Variants in FLYWCH1 observed in about 807,000 individuals in gnomAD.
FLYWCH1 encodes the protein FLYWCH-type zinc finger 1, also known as FLYWCH-type zinc finger-containing protein 1.
FLYWCH1 carries 75 observed loss-of-function variants against 66.4 expected under a neutral mutation model. That is an observed-to-expected ratio of 1.13 (90% confidence interval 0.94 to 1.37). FLYWCH1 has a LOEUF of 1.37. Ranked by LOEUF, FLYWCH1 falls within the 40% of genes most tolerant of loss-of-function variation. The pLI is 0.00. For synonymous variants in FLYWCH1, 595 were observed against 429.9 expected, an observed-to-expected ratio of 1.38 and a Z score of -4.75; for missense variants, 1,334 against 1,001.8, an observed-to-expected ratio of 1.33 and a Z score of -4.48.
At chr16:2,931,830 G>A (rs1267738217) in intron 4 of FLYWCH1, among the ~76,000 whole-genome samples, 1 of 151,738 alleles carries the variant, frequency 6.6e-6, no homozygotes, top group South Asian at 2.1e-4. Flanking sequence ...CTAGCCTGGC[G>A]AGGCTGGGCG....
At chr16:2,945,270 G>C (rs1045278765) in intron 9 of FLYWCH1, among the ~76,000 whole-genome samples, 2 of 151,932 alleles carry the variant, frequency 1.3e-5, no homozygotes, top group Non-Finnish European at 2.9e-5. Context: ...GGCGGATCAC[G>C]AGGTCAGGAG....
rs191066359 is a variant in FLYWCH1 at position 2,936,021 on chromosome 16, T to A, written c.1514-1100T>A. 5 of 183,658 alleles carry A rather than the reference T, an allele frequency of 2.7e-5. No individual in the cohort carries two copies. The East Asian group carries it at 8.2e-4, about 30-fold the overall frequency. The allele number at this position is 183,658 out of a possible 1,614,324, so 11.4% of individuals were successfully genotyped here. A position where few individuals can be genotyped will look rare whatever the true frequency, so the allele number is the denominator to read the frequency against. On this transcript the variant is annotated intron_variant, in intron 6 of 9. Transcript: ENST00000253928. The stretch of plus-strand genomic sequence containing the variant: ...GTCTCCCAGGTTCAAGTGATTTTCC[T>A]GTCTCAGCCTTCTGAGTAGCTGGGA...
At chr16:2,938,845 C>A (rs2150992270) in intron 8 of FLYWCH1, among the ~76,000 whole-genome samples, 1 of 151,732 alleles carries the variant, frequency 6.6e-6, no homozygotes, top group South Asian at 2.1e-4. Flanking sequence ...ATCTTCTGAC[C>A]TCGTGATCCG....
In FLYWCH1 at chr16:2,933,167, CG is replaced by C. The variant is rs762864130; in HGVS notation, c.839del (p.Gly280AlafsTer44). 4 of 1,613,512 alleles carry C rather than the reference CG, an allele frequency of 2.5e-6. No homozygotes were observed. Among genetic ancestry groups the C allele is most frequent in the Non-Finnish European group, 3.4e-6 (4 of 1,179,804 alleles). On this transcript the variant is annotated frameshift_variant, in exon 5 of 10. Coordinates refer to ENST00000253928, the MANE Select transcript of FLYWCH1 (RefSeq NM_001308068.2). LOFTEE classifies it high-confidence loss of function. ...RPLEFLRTCYGGSFLVHESFL... is the reference protein window; with the variant it reads ...RPLEFLRTCYXGSFLVHESFL... ...CCCTCGAGTTCCTGAGGACGTGCTA[CG>C]GGGGCAGCTTCCTGGTACACGAGTC...
Position 2,938,256 on chromosome 16 carries a change from A to T in FLYWCH1, c.1850A>T (p.Tyr617Phe). The T allele has an allele frequency of 6.2e-7, 1 of 1,613,168 alleles. No homozygotes were observed. Among genetic ancestry groups the T allele is most frequent in the Non-Finnish European group, 8.5e-7 (1 of 1,179,598 alleles). The change falls in exon 8 of 10, where the codon TAC becomes TTC. Residue 617 changes from tyrosine to phenylalanine, a missense_variant. By Grantham distance (22) the Tyr-to-Phe change is conservative. Transcript: ENST00000253928. ...TTCCTGGTGCACGAGTCCTTCCTCT[A>T]CAGGAAGGAGAAGGCGGCTGGGGAG... is the stretch of plus-strand genomic sequence containing the variant. ...GRFLVHESFL[Y>F]RKEKAAGEKV... is the part of the protein sequence containing the mutation.
rs531008048 is a variant in FLYWCH1 at position 2,918,827 on chromosome 16, A to G, written c.-74+4538A>G. ...CAGAATAGAAAGGAAATAGTAGGAA[A>G]GACCAGTGGATTGAGGGCTAGAACG... On this transcript the variant is annotated intron_variant, in intron 2 of 9. Coordinates refer to ENST00000253928, the MANE Select transcript of FLYWCH1 (RefSeq NM_001308068.2). Among the ~76,000 whole-genome samples, 4 of 152,352 alleles carry G rather than the reference A, an allele frequency of 2.6e-5. No individual in the cohort carries two copies. The South Asian group carries it at 8.3e-4, about 32-fold the overall frequency.
At position 2,929,747 on chromosome 16, in the gene FLYWCH1, C is replaced by T. The variant is rs2150945406; in HGVS notation, c.62C>T (p.Ser21Phe). Residue 21 changes from serine (S) to phenylalanine (F), a missense_variant, in exon 3 of 10, where the codon TCC (serine) becomes TTC (phenylalanine). Transcript: ENST00000253928. ...AGTGTGAAGGCCGGCCAGGAGCCAT[C>T]CCCCAAGCCAGGCACGGACGTCATC... ...GESVKAGQEP[S>F]PKPGTDVIPA... is the part of the protein sequence containing the mutation. The T allele has an allele frequency of 6.2e-7, 1 of 1,613,788 alleles. No homozygotes were observed.
chr16:2,930,080 C>A, intron 3 of FLYWCH1, 70 bp downstream of exon 3: 1 of 1,342,582 alleles, frequency 7.4e-7, no homozygotes, highest in South Asian at 1.3e-5. Flanking sequence ...GCCCTGTACA[C>A]CCTGCTTCAA....
chr16:2,923,226 C>G (rs1041852513), intron 2 of FLYWCH1: 17 of 324,964 alleles, frequency 5.2e-5, no homozygotes, highest in African/African-American at 3.6e-4. Flanking sequence ...GCTTTCAGCG[C>G]CATCTTGTGA....
Position 2,938,472 on chromosome 16 carries a change from G to T in FLYWCH1, c.2050+16G>T. 2.6e-6 allele frequency: 4 copies of T among 1,511,012 alleles called. No individual in the cohort carries two copies. The highest frequency in any genetic ancestry group is 3.5e-6 in the Non-Finnish European group (4 of 1,132,480). The allele number at this position is 1,511,012 out of a possible 1,614,324, so 93.6% of individuals were successfully genotyped here. A position where few individuals can be genotyped will look rare whatever the true frequency, so the allele number is the denominator to read the frequency against. ...GAGGACCCAGGTACAGGCAGGCTGT[G>T]GGGCAGAGGCAGGGCTGTGGGCATC... On this transcript the variant is annotated intron_variant, in intron 8 of 9. Coordinates refer to ENST00000253928, the MANE Select transcript of FLYWCH1 (RefSeq NM_001308068.2).
At chr16:2,936,443 C>T (rs1596384374) in intron 6 of FLYWCH1, 1 of 451,348 alleles carries the variant, frequency 2.2e-6, no homozygotes, top group African/African-American at 2.0e-5. Flanking sequence ...CACAGCCAGA[C>T]ACCCTCCCGC....
intron 2 of FLYWCH1, among the ~76,000 whole-genome samples, chr16:2,928,379 G>C (rs1277597794): frequency 2.0e-5 from 3 of 152,156 alleles, no homozygotes; most frequent in African/African-American, 7.2e-5. Flanking sequence ...TGTCTCAGTG[G>C]GGGGAAACCT....
At chr16:2,922,864 CATGGCAG>C (rs1279436335) in intron 2 of FLYWCH1, 2 of 524,484 alleles carry the variant, frequency 3.8e-6, no homozygotes, top group Non-Finnish European at 7.6e-6. Flanking sequence ...CTGTCTTCTT[CATGGCAG>C]ACTCAGTGGT....
In FLYWCH1 at chr16:2,946,371, G is replaced by C. The variant is rs985941277; in HGVS notation, c.2112-2317G>C. Among the ~76,000 whole-genome samples, 4 of 144,636 alleles carry C rather than the reference G, an allele frequency of 2.8e-5. No homozygotes were observed. In the East Asian group the frequency reaches 6.1e-4, roughly 22 times the overall value. 94.9% of individuals were successfully genotyped at this position (144,636 alleles called of 152,430 possible). A position where few individuals can be genotyped will look rare whatever the true frequency, so the allele number is the denominator to read the frequency against. Reference sequence around the variant, plus strand: ...GAGTCTCGTTCTGTCCCCCAGGCTGGACTGCAGTGGTGAGATCTCGGCTCA... The same window carrying C: ...GAGTCTCGTTCTGTCCCCCAGGCTGCACTGCAGTGGTGAGATCTCGGCTCA... On this transcript the variant is annotated intron_variant, in intron 9 of 9. Coordinates refer to ENST00000253928, the MANE Select transcript of FLYWCH1 (RefSeq NM_001308068.2).
chr16:2,941,197 A>C, intron 9 of FLYWCH1, among the ~76,000 whole-genome samples: 1 of 152,232 alleles, frequency 6.6e-6, no homozygotes, highest in East Asian at 1.9e-4. Context: ...TCACGCCTGT[A>C]ATCTCAACAC....
At position 2,929,495 on chromosome 16, in the gene FLYWCH1, C is replaced by T. The variant is rs1307368187; in HGVS notation, c.-73-118C>T. 27 of 705,622 alleles carry T rather than the reference C, an allele frequency of 3.8e-5. 1 individual carries two copies. Among genetic ancestry groups the T allele is most frequent in the South Asian group, 2.2e-4 (11 of 50,542 alleles). 43.7% of individuals were successfully genotyped at this position (705,622 alleles called of 1,614,324 possible). A position where few individuals can be genotyped will look rare whatever the true frequency, so the allele number is the denominator to read the frequency against. On this transcript the variant is annotated intron_variant, in intron 2 of 9. Transcript: ENST00000253928. ...AAGCCTAGTTCCATCAGGCCCCCGG[C>T]CAGTCTTGGCCCCAGCGAGCAGTGA...
rs572344134 is a variant in FLYWCH1, at chr16:2,931,552, G to A, written c.796+672G>A. Among the ~76,000 whole-genome samples, 59 of 151,952 alleles carry A rather than the reference G, an allele frequency of 3.9e-4. No homozygotes were observed. In the South Asian group the frequency reaches 0.011, roughly 27 times the overall value. ...GATCACTTAAGCTAGGGAGATTGAG[G>A]CTGCAGTGAGCCGGGATCACGCCAC... On this transcript the variant is annotated intron_variant, in intron 4 of 9. Coordinates refer to ENST00000253928, the MANE Select transcript of FLYWCH1 (RefSeq NM_001308068.2).
Position 2,949,034 on chromosome 16 carries a change from G to A in FLYWCH1, c.*307G>A, listed in dbSNP as rs901003926. 2.0e-4 allele frequency: 84 copies of A among 423,300 alleles called. No individual in the cohort carries two copies. Among genetic ancestry groups the A allele is most frequent in the African/African-American group, 3.2e-4 (16 of 49,418 alleles). 26.2% of individuals were successfully genotyped at this position (423,300 alleles called of 1,614,324 possible). On this transcript the variant is annotated 3_prime_UTR_variant, in exon 10 of 10. Coordinates refer to ENST00000253928, the MANE Select transcript of FLYWCH1 (RefSeq NM_001308068.2). ...CTGGACACGGACGCCCCTGCTGTACGGCCACAGCACCCCTGGGTTTGCAGA... is the reference window on the plus strand; with the variant it reads ...CTGGACACGGACGCCCCTGCTGTACAGCCACAGCACCCCTGGGTTTGCAGA...
At chr16:2,926,644 G>A (rs563677151) in intron 2 of FLYWCH1, among the ~76,000 whole-genome samples, 1 of 152,212 alleles carries the variant, frequency 6.6e-6, no homozygotes, top group South Asian at 2.1e-4. Flanking sequence ...TGACTTTGTG[G>A]CAAGATTGCA....
Sources: gnomAD v4.1 joint callset for allele counts (sites outside exome capture counted in the v4.1 genomes callset) on GRCh38, gnomAD v4.1.1 for gene constraint, MANE v1.5 for transcripts, NCBI Gene and HGNC (gene_info 2026-07-23, HGNC 2026-07-21) for gene names.